The following ARID2 variants were observed in gnomAD, a reference collection of about 807,000 sequenced individuals.
The protein encoded by ARID2 is AT-rich interactive domain-containing protein 2.
Under a neutral mutation model 184.6 loss-of-function variants are expected in ARID2, and 32 were observed. The observed-to-expected ratio is 0.17, with a 90% CI of 0.13 to 0.23. The LOEUF is 0.23. Among genes scored for constraint, ARID2 ranks in the 10% least tolerant of loss-of-function variants. The pLI is 1.00. For missense variants in ARID2, 1,696 were observed against 2,197.6 expected, an observed-to-expected ratio of 0.77 and a Z score of 4.56; for synonymous variants, 836 against 772.6, an observed-to-expected ratio of 1.08 and a Z score of -1.36.
chr12:45,788,689 C>T (rs1454770039), intron 3 of ARID2, among the ~76,000 whole-genome samples: 1 of 152,040 alleles, frequency 6.6e-6, no homozygotes, highest in East Asian at 1.9e-4. Flanking sequence ...AGGTTTCTAC[C>T]ACCCTTTTTG....
At chr12:45,766,974 A>C (rs756062551) in intron 3 of ARID2, among the ~76,000 whole-genome samples, 1 of 152,120 alleles carries the variant, frequency 6.6e-6, no homozygotes, top group Non-Finnish European at 1.5e-5. Context: ...GTCTCAAAAC[A>C]AAACAAAAAA....
At position 45,852,433 on chromosome 12, in the gene ARID2, C is replaced by G. The variant is rs774475353; in HGVS notation, c.4310C>G (p.Ala1437Gly). Residue 1437 changes from alanine to glycine, a missense_variant, in exon 15 of 21, where the codon GCG becomes GGG. This residue lies in a region of ARID2 where 428 missense variants were observed against 409.1 expected (regional missense o/e 1.05). Transcript: ENST00000334344. ...SVSSIQEASN[A>G]ATQQFSGTDL... ...AGCAGTATACAGGAGGCTTCAAATG[C>G]GGCAACACAGCAATTTAGTGGTACT... is the stretch of plus-strand genomic sequence containing the variant. 8.1e-6 allele frequency: 13 copies of G among 1,614,118 alleles called. No individual in the cohort carries two copies. In the South Asian group the frequency reaches 1.4e-4, roughly 18 times the overall value.
In ARID2 at chr12:45,850,888, C is replaced by T. The variant is rs1376671781; in HGVS notation, c.2765C>T (p.Thr922Ile). ...CCTATTCAACAACCACAGCAGCCAA[C>T]CCAACAAAGCGTAGTGATTGTAAGC... ...QQPIQQPQQP[T>I]QQSVVIVSQP... Residue 922 changes from threonine (T) to isoleucine (I), a missense_variant, in exon 15 of 21, where the codon ACC (threonine) becomes ATC (isoleucine). Around this residue, in one of 11 missense-constraint regions of ARID2, gnomAD observed 713 missense variants for 824.4 expected, o/e 0.86. Transcript: ENST00000334344. The T allele has an allele frequency of 6.2e-7, 1 of 1,614,106 alleles. No individual in the cohort carries two copies. Among genetic ancestry groups the T allele is most frequent in the Non-Finnish European group, 8.5e-7 (1 of 1,180,000 alleles).
rs192113774 is a variant in ARID2, at chr12:45,740,590, C to T, written c.284+9276C>T. On this transcript the variant is annotated intron_variant, in intron 3 of 20. Transcript: ENST00000334344. ...GTTATGACCTAAGAGTAAAATCATT[C>T]GCTAATGTAACAATGGACAGTTATT... Among the ~76,000 whole-genome samples, 346 of 151,954 alleles carry T rather than the reference C, an allele frequency of 2.3e-3. 1 individual carries two copies. The highest frequency in any genetic ancestry group is 7.4e-3 in the African/African-American group (307 of 41,484).
chr12:45,844,920 A>G (rs1016804607), intron 11 of ARID2, among the ~76,000 whole-genome samples: 5 of 152,224 alleles, frequency 3.3e-5, no homozygotes, highest in African/African-American at 1.2e-4. Flanking sequence ...AGAAAAAATT[A>G]TCAAAGAGGA....
chr12:45,855,828 C>T (rs987533897), intron 15 of ARID2, among the ~76,000 whole-genome samples: 3 of 152,108 alleles, frequency 2.0e-5, no homozygotes, highest in Non-Finnish European at 2.9e-5. Flanking sequence ...GTAATCCTTC[C>T]ACCTCAGCCT....
At chr12:45,781,942 GA>G (rs1942098245) in intron 3 of ARID2, among the ~76,000 whole-genome samples, 1 of 152,156 alleles carries the variant, frequency 6.6e-6, no homozygotes, top group Admixed American at 6.5e-5. Flanking sequence ...CCAGTTGTGG[GA>G]GAACAATTCT....
intron 3 of ARID2, among the ~76,000 whole-genome samples, chr12:45,805,947 G>A (rs1429467425): frequency 6.6e-6 from 1 of 152,016 alleles, no homozygotes; most frequent in East Asian, 1.9e-4. Context: ...TCACCATTCT[G>A]TTCTGTGTTT....
intron 6 of ARID2, among the ~76,000 whole-genome samples, chr12:45,832,449 C>G (rs958338503): frequency 6.6e-6 from 1 of 151,936 alleles, no homozygotes; most frequent in African/African-American, 2.4e-5. Flanking sequence ...TCACTTCTTC[C>G]AATATTTTTC....
Position 45,891,916 on chromosome 12 carries a change from C to G in ARID2, c.5059C>G (p.Gln1687Glu), listed in dbSNP as rs2138232674. 1.2e-6 allele frequency: 2 copies of G among 1,614,098 alleles called. No homozygotes were observed. The highest frequency in any genetic ancestry group is 1.7e-6 in the Non-Finnish European group (2 of 1,180,000). ...GCGGTTTTCTTTTATTACCCACTTG[C>G]AGGTACACTTTTTAAATACTATTTG... ...RQRFSFITHL[Q>E]DKHCSKDALL... Residue 1687 changes from glutamine to glutamate, a missense_variant and splice_region_variant, in exon 17 of 21, where the codon CAG (glutamine) becomes GAG (glutamate). Around this residue, in one of 11 missense-constraint regions of ARID2, gnomAD observed 16 missense variants for 50.3 expected, o/e 0.32. Coordinates refer to ENST00000334344, the MANE Select transcript of ARID2 (RefSeq NM_152641.4).
intron 16 of ARID2, chr12:45,882,111 A>T (rs537037861): frequency 5.0e-5 from 8 of 160,590 alleles, no homozygotes; most frequent in Non-Finnish European, 1.1e-4. Context: ...CTTGTACCAC[A>T]CTCTTAGAGC....
chr12:45,781,248 T>G (rs1186828802), intron 3 of ARID2, among the ~76,000 whole-genome samples: 1 of 149,154 alleles, frequency 6.7e-6, no homozygotes, highest in Non-Finnish European at 1.5e-5. Flanking sequence ...CAATCAAGAC[T>G]GCAGTCAATG....
chr12:45,850,224 A>G lies in ARID2; in HGVS notation c.2101A>G (p.Thr701Ala). The G allele has an allele frequency of 6.2e-7, 1 of 1,614,156 alleles. No homozygotes were observed. The highest frequency in any genetic ancestry group is 8.5e-7 in the Non-Finnish European group (1 of 1,180,006). The change falls in exon 15 of 21, where the codon ACT becomes GCT. Residue 701 changes from threonine to alanine, a missense_variant. Physicochemically the swap from Thr to Ala is moderately conservative, Grantham distance 58. Transcript: ENST00000334344. Reference sequence around the variant, plus strand: ...CCACCAGCAACAAAATGCTCCAGTGACTGTCATTCAAAGTAAAGCTCCAAT... The same window carrying G: ...CCACCAGCAACAAAATGCTCCAGTGGCTGTCATTCAAAGTAAAGCTCCAAT... ...HTHQQQNAPV[T>A]VIQSKAPIPC...
At chr12:45,732,790 C>T (rs1176881874) in intron 3 of ARID2, among the ~76,000 whole-genome samples, 1 of 151,960 alleles carries the variant, frequency 6.6e-6, no homozygotes, top group East Asian at 1.9e-4. Flanking sequence ...GTTTTATAAC[C>T]AGAAAGTACT....
intron 16 of ARID2, among the ~76,000 whole-genome samples, chr12:45,862,973 C>T (rs1441339526): frequency 6.6e-6 from 1 of 152,026 alleles, no homozygotes; most frequent in African/African-American, 2.4e-5. Context: ...TAAGCATCCT[C>T]TACGAGGGTG....
At chr12:45,791,903 G>T (rs1250302053) in intron 3 of ARID2, among the ~76,000 whole-genome samples, 1 of 152,106 alleles carries the variant, frequency 6.6e-6, no homozygotes, top group East Asian at 1.9e-4. Context: ...TATTATAGTG[G>T]TAGCAGGAAC....
intron 3 of ARID2, among the ~76,000 whole-genome samples, chr12:45,803,125 G>C (rs1324760403): frequency 6.6e-6 from 1 of 152,006 alleles, no homozygotes; most frequent in Non-Finnish European, 1.5e-5. Context: ...TTCCATGTTA[G>C]AGCTTTCCTT....
At chr12:45,903,230 CT>C (rs1944480434) in intron 20 of ARID2, among the ~76,000 whole-genome samples, 1 of 151,928 alleles carries the variant, frequency 6.6e-6, no homozygotes, top group African/African-American at 2.4e-5. Context: ...GTATTTTTTT[CT>C]CTGCTTTTGA....
At chr12:45,737,506 G>A (rs1419776563) in intron 3 of ARID2, among the ~76,000 whole-genome samples, 1 of 151,256 alleles carries the variant, frequency 6.6e-6, no homozygotes, top group East Asian at 1.9e-4. Context: ...AAAAGTGATA[G>A]ATCTAAAGGT....
Sources: gnomAD v4.1 joint callset for allele counts (sites outside exome capture counted in the v4.1 genomes callset) on GRCh38, gnomAD v4.1.1 for gene constraint, gnomAD v4.1.1 regional missense constraint, MANE v1.5 for transcripts, NCBI Gene and HGNC (gene_info 2026-07-23, HGNC 2026-07-21) for gene names.